Variants in RNF144B observed in about 807,000 individuals in gnomAD.
RNF144B encodes the protein ring finger protein 144B, also known as E3 ubiquitin-protein ligase RNF144B.
A neutral mutation model predicts 40.2 loss-of-function variants in RNF144B; 25 were observed. The observed-to-expected ratio is 0.62, with a 90% confidence interval of 0.45 to 0.87. The LOEUF is 0.87. Ranked by LOEUF, RNF144B falls within the 40% of genes least tolerant of loss-of-function variation. The pLI is 0.00. For missense variants in RNF144B, 365 were observed against 373.7 expected (o/e 0.98, Z 0.19); for synonymous variants, 145 against 136.3 (o/e 1.06, Z -0.44).
At chr6:18,413,459 AT>A (rs1186891831) in intron 2 of RNF144B, among the ~76,000 whole-genome samples, 1 of 152,214 alleles carries the variant, frequency 6.6e-6, no homozygotes, top group Non-Finnish European at 1.5e-5. Flanking sequence ...CATATTAGAG[AT>A]TGAGCATGAA....
At position 18,442,477 on chromosome 6, in the gene RNF144B, A is replaced by G. The variant is rs1410188500; in HGVS notation, c.331+2733A>G. On this transcript the variant is annotated intron_variant, in intron 4 of 7. Coordinates refer to ENST00000259939, the MANE Select transcript of RNF144B (RefSeq NM_182757.4). This position sits in a 1 kb window ranked among gnomAD's most constrained non-coding sequence, Gnocchi z 4.3. ...CAGGACAGATTGAGACTTGCCTAGG[A>G]CCACATAGACTGTGGCTAACCTTCC... Among the ~76,000 whole-genome samples, 2 of 152,190 alleles carry G rather than the reference A, an allele frequency of 1.3e-5. No homozygotes were observed. The highest frequency in any genetic ancestry group is 2.9e-5 in the Non-Finnish European group (2 of 68,030).
chr6:18,467,022 G>A lies in RNF144B; in HGVS notation c.*1955G>A, dbSNP rs1337381672. 4 of 146,306 alleles carry A rather than the reference G, an allele frequency of 2.7e-5. No homozygotes were observed. The highest frequency in any genetic ancestry group is 9.8e-5 in the African/African-American group (4 of 40,802). The allele number at this position is 146,306 out of a possible 1,614,324, so 9.1% of individuals were successfully genotyped here. A position where few individuals can be genotyped will look rare whatever the true frequency, so the allele number is the denominator to read the frequency against. On this transcript the variant is annotated 3_prime_UTR_variant, in exon 8 of 8. Transcript: ENST00000259939. ...TTCAGAAAAAAACACTATCAGTGTAGTTCATGTTAGTATAATTATAGATTT... is the reference window on the plus strand; with the variant it reads ...TTCAGAAAAAAACACTATCAGTGTAATTCATGTTAGTATAATTATAGATTT...
intron 2 of RNF144B, among the ~76,000 whole-genome samples, chr6:18,399,999 C>T (rs9477733): frequency 0.043 from 6,544 of 152,186 alleles, 237 homozygotes; most frequent in African/African-American, 0.098. Flanking sequence ...TGGCCAGGTG[C>T]GTTGCCTCAC....
chr6:18,408,375 T>G (rs948848380), intron 2 of RNF144B, among the ~76,000 whole-genome samples: 1 of 152,212 alleles, frequency 6.6e-6, no homozygotes, highest in Non-Finnish European at 1.5e-5. Flanking sequence ...AGCCAAATTG[T>G]TTTCCTATGG....
At chr6:18,451,474 T>C (rs1759209065) in intron 4 of RNF144B, among the ~76,000 whole-genome samples, 1 of 152,054 alleles carries the variant, frequency 6.6e-6, no homozygotes, top group African/African-American at 2.4e-5. Flanking sequence ...CTGGATACCA[T>C]CCATGGATGG....
At chr6:18,413,957 T>C (rs1795096805) in intron 2 of RNF144B, among the ~76,000 whole-genome samples, 1 of 152,108 alleles carries the variant, frequency 6.6e-6, no homozygotes, top group South Asian at 2.1e-4. Context: ...TCAAATTATG[T>C]CAATTAATAT....
intron 1 of RNF144B, among the ~76,000 whole-genome samples, chr6:18,389,027 A>AAT (rs1374261731): frequency 2.0e-5 from 3 of 152,044 alleles, no homozygotes; most frequent in Non-Finnish European, 2.9e-5. Flanking sequence ...AACCCCAAAC[A>AAT]ATCACCCTAG....
At chr6:18,392,015 T>C (rs1271300059) in intron 1 of RNF144B, among the ~76,000 whole-genome samples, 2 of 120,452 alleles carry the variant, frequency 1.7e-5, no homozygotes, top group East Asian at 5.1e-4. Context: ...CTGGCTAACA[T>C]GGTGAAACCC....
chr6:18,399,431 C>T (rs1794754688), intron 1 of RNF144B, 68 bp from the exon 2 acceptor site: 3 of 1,135,308 alleles, frequency 2.6e-6, no homozygotes, highest in South Asian at 3.2e-5. Flanking sequence ...AGCTGGCCTC[C>T]AGACGTGTTG....
chr6:18,423,840 A>G (rs767592812), intron 2 of RNF144B, among the ~76,000 whole-genome samples: 5 of 152,232 alleles, frequency 3.3e-5, no homozygotes, highest in Non-Finnish European at 5.9e-5. Context: ...AATGTTGACT[A>G]TACAAAAGAA....
intron 2 of RNF144B, among the ~76,000 whole-genome samples, chr6:18,401,461 C>A (rs1794800670): frequency 6.6e-6 from 1 of 152,156 alleles, no homozygotes. Flanking sequence ...ATTTTGGATC[C>A]TTTTGCACCT....
At chr6:18,391,666 G>C (rs1246757944) in intron 1 of RNF144B, among the ~76,000 whole-genome samples, 1 of 151,688 alleles carries the variant, frequency 6.6e-6, no homozygotes, top group South Asian at 2.1e-4. Context: ...AGGAGATCGA[G>C]ACCATCCTGG....
In RNF144B at chr6:18,467,921, G is replaced by T. The variant is rs1470979791; in HGVS notation, c.*2854G>T. 6.6e-6 allele frequency: 1 copy of T among 152,236 alleles called. No homozygotes were observed. The highest frequency in any genetic ancestry group is 2.4e-5 in the African/African-American group (1 of 41,444). The allele number at this position is 152,236 out of a possible 1,614,324, so 9.4% of individuals were successfully genotyped here. A position where few individuals can be genotyped will look rare whatever the true frequency, so the allele number is the denominator to read the frequency against. On this transcript the variant is annotated 3_prime_UTR_variant, in exon 8 of 8. Transcript: ENST00000259939. Reference sequence around the variant, plus strand: ...CTCCCAAAGTGTTGGGATTACAGGTGTGTGTCACTGTGCCTGACAGCTGAC... The same window carrying T: ...CTCCCAAAGTGTTGGGATTACAGGTTTGTGTCACTGTGCCTGACAGCTGAC...
At position 18,421,315 on chromosome 6, in the gene RNF144B, C is replaced by CAT. The variant is rs146251521; in HGVS notation, c.166-6258_166-6257dup. Among the ~76,000 whole-genome samples, 15 of 142,574 alleles carry CAT rather than the reference C, an allele frequency of 1.1e-4. No homozygotes were observed. The South Asian group carries it at 1.8e-3, about 17-fold the overall frequency. 93.5% of individuals were successfully genotyped at this position (142,574 alleles called of 152,430 possible). ...ACACACACACACACACACACACACA[C>CAT]ATATATATAAAATAAAATTACAGAC... is the stretch of plus-strand genomic sequence containing the variant. On this transcript the variant is annotated intron_variant, in intron 2 of 7. Coordinates refer to ENST00000259939, the MANE Select transcript of RNF144B (RefSeq NM_182757.4).
Position 18,450,571 on chromosome 6 carries a change from T to G in RNF144B, c.332-6584T>G, listed in dbSNP as rs2113527672. ...ACCTCGGCCTCCCAAAGTGCTAGGA[T>G]TACAGTTGTGAGCCACCACACCCAG... On this transcript the variant is annotated intron_variant, in intron 4 of 7. Transcript: ENST00000259939. This position sits in a 1 kb window ranked among gnomAD's most constrained non-coding sequence, Gnocchi z 4.7. 6.6e-6 allele frequency among the ~76,000 whole-genome samples: 1 copy of G among 152,234 alleles called. No individual in the cohort carries two copies. Among genetic ancestry groups the G allele is most frequent in the South Asian group, 2.1e-4 (1 of 4,816 alleles).
At chr6:18,399,408 T>G in intron 1 of RNF144B, 91 bp from the exon 2 acceptor site, 4 of 889,552 alleles carry the variant, frequency 4.5e-6, no homozygotes, top group Non-Finnish European at 6.7e-6. Context: ...TAACTGAGGG[T>G]GAGAATTTGA....
In RNF144B at chr6:18,458,308, T is replaced by C. The variant is rs957829927; in HGVS notation, c.536+949T>C. On this transcript the variant is annotated intron_variant, in intron 5 of 7. Coordinates refer to ENST00000259939, the MANE Select transcript of RNF144B (RefSeq NM_182757.4). The surrounding 1 kb of genome is among the most constrained non-coding windows in gnomAD (Gnocchi z 4.8). ...CCTCTGTGTTTCATTCCTGCTTTGC[T>C]TGAGGCTATCGTTGTTCTGCATCAG... Among the ~76,000 whole-genome samples the C allele has an allele frequency of 5.9e-5, 9 of 152,194 alleles. No individual in the cohort carries two copies. Among genetic ancestry groups the C allele is most frequent in the Admixed American group, 4.6e-4 (7 of 15,284 alleles).
At chr6:18,388,357 A>G (rs1794510997) in intron 1 of RNF144B, among the ~76,000 whole-genome samples, 1 of 152,170 alleles carries the variant, frequency 6.6e-6, no homozygotes, top group African/African-American at 2.4e-5. Flanking sequence ...CGTTTATTTG[A>G]ACATTGAGAG....
chr6:18,435,885 G>T (rs111367255), intron 3 of RNF144B, among the ~76,000 whole-genome samples: 1 of 145,248 alleles, frequency 6.9e-6, no homozygotes, highest in African/African-American at 2.5e-5. Flanking sequence ...GGTTGGGGGA[G>T]GGGGGAGGGA....
Sources: gnomAD v4.1 joint callset for allele counts (sites outside exome capture counted in the v4.1 genomes callset) on GRCh38, gnomAD v4.1.1 for gene constraint, Gnocchi (gnomAD v3.1) non-coding constraint, MANE v1.5 for transcripts, NCBI Gene and HGNC (gene_info 2026-07-23, HGNC 2026-07-21) for gene names.